CRY2: variants seen among roughly 807,000 people sequenced by gnomAD.
CRY2 encodes the protein cryptochrome circadian regulator 2, also known as cryptochrome-2.
Under a neutral mutation model 69.5 loss-of-function variants are expected in CRY2, and 31 were observed. That is an observed-to-expected ratio of 0.45 (90% CI 0.34 to 0.60). CRY2 has a LOEUF of 0.60. Among genes scored for constraint, CRY2 ranks in the 20% least tolerant of loss-of-function variants. The pLI is 0.02. For synonymous variants in CRY2, 303 were observed against 312.2 expected, an observed-to-expected ratio of 0.97 and a Z score of 0.31; for missense variants, 606 against 797.8, an observed-to-expected ratio of 0.76 and a Z score of 2.90.
intron 11 of CRY2, among the ~76,000 whole-genome samples, chr11:45,879,578 AG>A (rs1216682424): frequency 3.9e-5 from 6 of 152,258 alleles, no homozygotes; most frequent in Admixed American, 2.0e-4. Flanking sequence ...GACAGATTTG[AG>A]AATCAGACAG....
intron 4 of CRY2, chr11:45,861,300 G>A (rs1244434084): frequency 1.2e-5 from 5 of 407,468 alleles, no homozygotes; most frequent in East Asian, 4.3e-5. Context: ...CTAACCTCTC[G>A]CAGACAATAC....
At chr11:45,868,846 G>A (rs1444182731) in intron 6 of CRY2, among the ~76,000 whole-genome samples, 1 of 151,720 alleles carries the variant, frequency 6.6e-6, no homozygotes, top group Admixed American at 6.6e-5. Flanking sequence ...ATGTTGCCCA[G>A]GCTGATCTCA....
chr11:45,851,901 A>C (rs1039898402), intron 1 of CRY2, among the ~76,000 whole-genome samples: 2 of 152,190 alleles, frequency 1.3e-5, no homozygotes, highest in Non-Finnish European at 2.9e-5. Flanking sequence ...GACCCAAAAG[A>C]ATTCACTGTT....
intron 1 of CRY2, among the ~76,000 whole-genome samples, chr11:45,849,620 C>CTT (rs1457577484): frequency 8.1e-6 from 1 of 123,130 alleles, no homozygotes; most frequent in African/African-American, 2.8e-5. Context: ...TCCCCCAATT[C>CTT]TATTTTTTTT....
At chr11:45,856,439 A>AG (rs370256802) in intron 2 of CRY2, 131,425 of 202,730 alleles carry the variant, frequency 0.65, 47,614 homozygotes, top group Non-Finnish European at 0.79. Flanking sequence ...CAAGACTTTG[A>AG]GGTGGGGTTT....
In CRY2 at chr11:45,870,876, C is replaced by T; in HGVS notation, c.1584C>T (p.Asp528=). The change falls in exon 10 of 12, where the codon GAC becomes GAT. Residue 528 remains aspartate (D), a synonymous_variant. Coordinates refer to ENST00000616080, the MANE Select transcript of CRY2 (RefSeq NM_021117.5). ...LLASVPSCVE[D]LSHPVAEPSS... is the part of the protein sequence containing the mutation. ...CATCTGTCCCTTCCTGTGTGGAAGA[C>T]CTCAGTCACCCTGTGGCAGAGCCCA... is the stretch of plus-strand genomic sequence containing the variant. 3.1e-6 allele frequency: 5 copies of T among 1,613,578 alleles called. No individual in the cohort carries two copies. Among genetic ancestry groups the T allele is most frequent in the Non-Finnish European group, 4.2e-6 (5 of 1,180,030 alleles).
chr11:45,868,825 T>C (rs922399348), intron 6 of CRY2, among the ~76,000 whole-genome samples: 1 of 149,398 alleles, frequency 6.7e-6, no homozygotes, highest in Admixed American at 6.7e-5. Context: ...TTGTAGAAAC[T>C]GGGTTTTTCC....
intron 1 of CRY2, among the ~76,000 whole-genome samples, chr11:45,848,853 C>T (rs904246039): frequency 2.6e-5 from 4 of 152,166 alleles, no homozygotes; most frequent in African/African-American, 9.7e-5. Flanking sequence ...TAGCAGTGGG[C>T]CTGTTCAGTG....
At chr11:45,855,326 T>C (rs984323243) in intron 1 of CRY2, among the ~76,000 whole-genome samples, 1 of 152,184 alleles carries the variant, frequency 6.6e-6, no homozygotes, top group Non-Finnish European at 1.5e-5. Context: ...GCTGTGAGGC[T>C]GTGGCAGCAG....
chr11:45,882,429 G>A lies in CRY2; in HGVS notation c.*1518G>A, dbSNP rs2086482675. ...TAGCCTCAGATCTGTTAATTCTTTT[G>A]GCCCCAGCCCTGTCCCTCACTGTCC... On this transcript the variant is annotated 3_prime_UTR_variant, in exon 12 of 12. Coordinates refer to ENST00000616080, the MANE Select transcript of CRY2 (RefSeq NM_021117.5). The A allele has an allele frequency of 7.6e-6, 3 of 395,188 alleles. No homozygotes were observed. The Admixed American group carries it at 1.3e-4, about 17-fold the overall frequency. The allele number at this position is 395,188 out of a possible 1,614,324, so 24.5% of individuals were successfully genotyped here. A position where few individuals can be genotyped will look rare whatever the true frequency, so the allele number is the denominator to read the frequency against.
At position 45,883,014 on chromosome 11, in the gene CRY2, C is replaced by T. The variant is rs2134658166; in HGVS notation, c.*2103C>T. On this transcript the variant is annotated 3_prime_UTR_variant, in exon 12 of 12. Transcript: ENST00000616080. ...AAGGGCAGGGTAGAGAGGGTATGTC[C>T]AGTAGCCTGGAGCTCCATGGTGGCT... is the stretch of plus-strand genomic sequence containing the variant. The T allele has an allele frequency of 6.5e-6, 2 of 307,928 alleles. No individual in the cohort carries two copies. Among genetic ancestry groups the T allele is most frequent in the East Asian group, 5.1e-5 (1 of 19,522 alleles). 19.1% of individuals were successfully genotyped at this position (307,928 alleles called of 1,614,324 possible). A position where few individuals can be genotyped will look rare whatever the true frequency, so the allele number is the denominator to read the frequency against.
intron 3 of CRY2, among the ~76,000 whole-genome samples, chr11:45,860,401 A>C (rs1417267556): frequency 6.6e-6 from 1 of 151,880 alleles, no homozygotes; most frequent in East Asian, 1.9e-4. Flanking sequence ...AAAAAAAAAA[A>C]AAAAACATGT....
rs1181301111 is a variant in CRY2, at chr11:45,880,986, A to C, written c.*75A>C. On this transcript the variant is annotated 3_prime_UTR_variant, in exon 12 of 12. Transcript: ENST00000616080. Reference sequence around the variant, plus strand: ...ACCGCAGCAGCAGAGTACAACCTGCAGAGAAGCTGATCACCGGGCAGAGAT... The same window carrying C: ...ACCGCAGCAGCAGAGTACAACCTGCCGAGAAGCTGATCACCGGGCAGAGAT... 2.0e-5 allele frequency: 3 copies of C among 152,542 alleles called. No individual in the cohort carries two copies. Among genetic ancestry groups the C allele is most frequent in the African/African-American group, 7.2e-5 (3 of 41,594 alleles). 9.4% of individuals were successfully genotyped at this position (152,542 alleles called of 1,614,324 possible).
At chr11:45,855,819 A>G (rs573422072) in intron 1 of CRY2, among the ~76,000 whole-genome samples, 163 bp from the exon 2 acceptor site, 4 of 152,334 alleles carry the variant, frequency 2.6e-5, no homozygotes, top group South Asian at 2.1e-4. Context: ...GCGCTGATCC[A>G]CTACCACATC....
chr11:45,860,716 A>T, intron 3 of CRY2, 132 bp from the exon 4 acceptor site: 1 of 929,440 alleles, frequency 1.1e-6, no homozygotes, highest in Non-Finnish European at 1.6e-6. Flanking sequence ...CTTTCCACTC[A>T]GGCATGGGAC....
rs1002546830 is a variant in CRY2, at chr11:45,863,692, G to A, written c.741+1544G>A. 2.0e-5 allele frequency among the ~76,000 whole-genome samples: 3 copies of A among 151,562 alleles called. No individual in the cohort carries two copies. In the Admixed American group the frequency reaches 2.0e-4, roughly 10 times the overall value. On this transcript the variant is annotated intron_variant, in intron 5 of 11. Coordinates refer to ENST00000616080, the MANE Select transcript of CRY2 (RefSeq NM_021117.5). ...TCCCAAGGCATGTTTTCATTGTCCT[G>A]GTTTGGGTCATGTGACTGTCCCTGA...
chr11:45,847,322 G>A (rs755726663), upstream of CRY2: 44 of 1,582,556 alleles, frequency 2.8e-5, no homozygotes, highest in East Asian at 1.0e-3. Flanking sequence ...GCGCCTCTGG[G>A]CCAATCGCCA....
At position 45,869,053 on chromosome 11, in the gene CRY2, C is replaced by T. The variant is rs2086353547; in HGVS notation, c.883-453C>T. ...GGGAAGTCATTATTTGCTTGGAGGT[C>T]TGATTTCTTAATTACCTTATGGCCC... On this transcript the variant is annotated intron_variant, in intron 6 of 11. Transcript: ENST00000616080. 2.0e-5 allele frequency among the ~76,000 whole-genome samples: 3 copies of T among 152,216 alleles called. No homozygotes were observed. In the South Asian group the frequency reaches 6.2e-4, roughly 32 times the overall value.
At chr11:45,872,976 G>T (rs1158018640) in intron 11 of CRY2, among the ~76,000 whole-genome samples, 1 of 152,202 alleles carries the variant, frequency 6.6e-6, no homozygotes, top group Non-Finnish European at 1.5e-5. Flanking sequence ...CTGAGGACCA[G>T]TAGACCCAGT....
Sources: gnomAD v4.1 joint callset for allele counts (sites outside exome capture counted in the v4.1 genomes callset) on GRCh38, gnomAD v4.1.1 for gene constraint, MANE v1.5 for transcripts, NCBI Gene and HGNC (gene_info 2026-07-23, HGNC 2026-07-21) for gene names.